The following HCRTR2 variants were observed in gnomAD, a reference collection of about 807,000 sequenced individuals.
The protein encoded by HCRTR2 is orexin receptor type 2.
Under a neutral mutation model 49.0 loss-of-function variants are expected in HCRTR2, and 22 were observed. The ratio of observed to expected loss-of-function variants is 0.45; its 90% CI spans 0.32 to 0.64. The LOEUF (loss-of-function observed/expected upper bound fraction) is 0.64, where lower values mean the gene tolerates loss of function less well. Among genes scored for constraint, HCRTR2 ranks in the 30% least tolerant of loss-of-function variants. HCRTR2 has a pLI of 0.04. For missense variants in HCRTR2, 491 were observed against 559.4 expected, an observed-to-expected ratio of 0.88 and a Z score of 1.23; for synonymous variants, 236 against 205.3, an observed-to-expected ratio of 1.15 and a Z score of -1.28.
At chr6:55,118,399 C>G (rs922268503) in intron 1 of HCRTR2, among the ~76,000 whole-genome samples, 7 of 151,780 alleles carry the variant, frequency 4.6e-5, no homozygotes, top group African/African-American at 1.2e-4. Context: ...GATTTATATT[C>G]CTTTGGGTAC....
At chr6:55,262,374 T>TATATATAATATTATATATAA (rs1766776300) in intron 3 of HCRTR2, among the ~76,000 whole-genome samples, 1 of 138,314 alleles carries the variant, frequency 7.2e-6, no homozygotes, top group Non-Finnish European at 1.5e-5. Flanking sequence ...GTATTATAGT[T>TATATATAATATTATATATAA]ATATATAATA....
intron 2 of HCRTR2, among the ~76,000 whole-genome samples, chr6:55,250,211 T>G (rs978904364): frequency 4.6e-5 from 7 of 152,060 alleles, no homozygotes; most frequent in Admixed American, 2.0e-4. Flanking sequence ...AAATCATGAA[T>G]GGATTACAAA....
At chr6:55,132,893 T>C (rs1412571827) in intron 1 of HCRTR2, among the ~76,000 whole-genome samples, 1 of 151,756 alleles carries the variant, frequency 6.6e-6, no homozygotes, top group Non-Finnish European at 1.5e-5. Context: ...GTTTTTTACA[T>C]AGACACCAGA....
At chr6:55,164,383 A>G (rs1356667367) in intron 1 of HCRTR2, among the ~76,000 whole-genome samples, 1 of 152,240 alleles carries the variant, frequency 6.6e-6, no homozygotes, top group African/African-American at 2.4e-5. Context: ...CCAGATGTCC[A>G]TCAATGATAG....
chr6:55,275,086 G>A (rs1241999574), intron 4 of HCRTR2, among the ~76,000 whole-genome samples: 3 of 152,064 alleles, frequency 2.0e-5, no homozygotes, highest in Non-Finnish European at 4.4e-5. Context: ...TGTTTTTAAT[G>A]TTTGTAGCAT....
chr6:55,198,437 C>T (rs1469395841), intron 1 of HCRTR2, among the ~76,000 whole-genome samples: 1 of 152,132 alleles, frequency 6.6e-6, no homozygotes, highest in African/African-American at 2.4e-5. Context: ...GTTCAGGCTA[C>T]TTTTAACCCT....
chr6:55,192,494 T>C (rs1765336989), intron 1 of HCRTR2, among the ~76,000 whole-genome samples: 1 of 151,480 alleles, frequency 6.6e-6, no homozygotes, highest in Non-Finnish European at 1.5e-5. Context: ...GAGGCTGAGG[T>C]GGGAAAATCA....
chr6:55,113,464 G>T (rs145645125), intron 1 of HCRTR2, among the ~76,000 whole-genome samples: 157 of 151,988 alleles, frequency 1.0e-3, no homozygotes, highest in African/African-American at 3.5e-3. Flanking sequence ...CCAAAAGTGG[G>T]CTAAGGACAT....
At chr6:55,216,286 A>G (rs1178483743) in intron 1 of HCRTR2, among the ~76,000 whole-genome samples, 1 of 152,110 alleles carries the variant, frequency 6.6e-6, no homozygotes, top group Non-Finnish European at 1.5e-5. Context: ...ATGACCTCCC[A>G]TAATTTATGT....
At chr6:55,277,330 G>T in intron 4 of HCRTR2, 50 bp from the exon 5 acceptor site, 1 of 1,484,062 alleles carries the variant, frequency 6.7e-7, no homozygotes, top group South Asian at 1.1e-5. Flanking sequence ...CCCCAAAGTG[G>T]AACTTTCCTA....
chr6:55,176,819 G>A (rs1049421945), intron 1 of HCRTR2, among the ~76,000 whole-genome samples: 9 of 152,038 alleles, frequency 5.9e-5, no homozygotes, highest in African/African-American at 1.9e-4. Flanking sequence ...CTGCATCAAC[G>A]CCCACTGCCA....
chr6:55,133,352 TGAGA>T (rs1312600694), intron 1 of HCRTR2, among the ~76,000 whole-genome samples: 1 of 149,722 alleles, frequency 6.7e-6, no homozygotes, highest in African/African-American at 2.5e-5. Context: ...TGTATGTGTG[TGAGA>T]GAGAGATCAT....
chr6:55,142,453 C>T (rs951443710), intron 1 of HCRTR2, among the ~76,000 whole-genome samples: 9 of 151,558 alleles, frequency 5.9e-5, no homozygotes, highest in Non-Finnish European at 1.3e-4. Context: ...CGTGATCCAC[C>T]CGCTTCGGCC....
intron 1 of HCRTR2, among the ~76,000 whole-genome samples, chr6:55,139,508 T>A (rs1764478358): frequency 6.6e-6 from 1 of 152,210 alleles, no homozygotes; most frequent in Non-Finnish European, 1.5e-5. Context: ...TGTGACTTTA[T>A]TTGGTTATTT....
chr6:55,283,650 C>T (rs1296035426), downstream of HCRTR2, among the ~76,000 whole-genome samples: 2 of 152,102 alleles, frequency 1.3e-5, no homozygotes, highest in Non-Finnish European at 2.9e-5. Flanking sequence ...CAAATATTTA[C>T]TTGAAAATTA....
intron 1 of HCRTR2, among the ~76,000 whole-genome samples, chr6:55,178,945 A>G (rs1017471506): frequency 2.6e-5 from 4 of 152,240 alleles, no homozygotes; most frequent in African/African-American, 7.2e-5. Flanking sequence ...TTTAAATAAC[A>G]CACACATTGG....
chr6:55,223,895 A>G (rs1173779673), intron 1 of HCRTR2, among the ~76,000 whole-genome samples: 1 of 152,212 alleles, frequency 6.6e-6, no homozygotes, highest in African/African-American at 2.4e-5. Context: ...ATTTATATGC[A>G]GAGCTGTTAA....
chr6:55,180,794 A>T (rs1165437187), intron 1 of HCRTR2, among the ~76,000 whole-genome samples: 2 of 151,700 alleles, frequency 1.3e-5, no homozygotes, highest in Admixed American at 1.3e-4. Flanking sequence ...TAAATAGATG[A>T]ACTTTTTTTA....
At chr6:55,229,825 G>A (rs1014751183) in intron 1 of HCRTR2, among the ~76,000 whole-genome samples, 1 of 152,150 alleles carries the variant, frequency 6.6e-6, no homozygotes, top group Non-Finnish European at 1.5e-5. Context: ...ACAACATTGT[G>A]CCTACAGTTA....
Sources: gnomAD v4.1 joint callset for allele counts (sites outside exome capture counted in the v4.1 genomes callset) on GRCh38, gnomAD v4.1.1 for gene constraint, MANE v1.5 for transcripts, NCBI Gene and HGNC (gene_info 2026-07-23, HGNC 2026-07-21) for gene names.